The following TACC2 variants were observed in gnomAD, a reference collection of about 807,000 sequenced individuals.
TACC2 encodes transforming acidic coiled-coil containing protein 2.
Under a neutral mutation model 227.3 loss-of-function variants are expected in TACC2, and 137 were observed. The ratio of observed to expected loss-of-function variants is 0.60; its 90% CI spans 0.52 to 0.69. TACC2 has a LOEUF of 0.69. Among genes scored for constraint, TACC2 ranks in the 30% least tolerant of loss-of-function variants. The pLI is 0.00. For missense variants in TACC2, 3,470 were observed against 3,694.4 expected (o/e 0.94, Z 1.57); for synonymous variants, 1,523 against 1,487.5 (o/e 1.02, Z -0.55).
At position 122,083,887 on chromosome 10, in the gene TACC2, G is replaced by A. The variant is rs767997069; in HGVS notation, c.1387G>A (p.Ala463Thr). The change falls in exon 4 of 23, where the codon GCA becomes ACA. Residue 463 changes from alanine to threonine, a missense_variant. Ala to Thr is a moderately conservative substitution (Grantham distance 58). Coordinates refer to ENST00000369005, the MANE Select transcript of TACC2 (RefSeq NM_206862.4). ...AGATGCAGCCAAAGAGGTGGTGGAT[G>A]CAGGGTTGGTGGGACTGGAGAGGCA... is the stretch of plus-strand genomic sequence containing the variant. Reference protein sequence around the residue: ...SADAAKEVVDAGLVGLERQVS... With the variant: ...SADAAKEVVDTGLVGLERQVS... The A allele has an allele frequency of 1.2e-6, 2 of 1,614,208 alleles. No individual in the cohort carries two copies. The highest frequency in any genetic ancestry group is 3.3e-5 in the Admixed American group (2 of 60,026).
chr10:122,029,759 A>G (rs535152952), intron 2 of TACC2, among the ~76,000 whole-genome samples: 1 of 152,204 alleles, frequency 6.6e-6, no homozygotes, highest in South Asian at 2.1e-4. Context: ...TGTGCACAGT[A>G]TGGGCCACTA....
chr10:122,214,418 A>T (rs188702475), intron 9 of TACC2, among the ~76,000 whole-genome samples: 6 of 152,310 alleles, frequency 3.9e-5, no homozygotes, highest in Admixed American at 3.9e-4. Context: ...TTGAATGCCA[A>T]ATTGCTCTGC....
intron 7 of TACC2, among the ~76,000 whole-genome samples, chr10:122,159,597 A>G (rs569111260): frequency 6.6e-6 from 1 of 152,254 alleles, no homozygotes; most frequent in African/African-American, 2.4e-5. Flanking sequence ...GTAACAAGAT[A>G]ACACTCTCAG....
chr10:122,142,619 G>T (rs1220890791), intron 6 of TACC2, among the ~76,000 whole-genome samples: 4 of 152,200 alleles, frequency 2.6e-5, no homozygotes, highest in Non-Finnish European at 4.4e-5. Context: ...CTCCCTGGAG[G>T]TGTTTACCCG....
intron 7 of TACC2, among the ~76,000 whole-genome samples, chr10:122,166,028 C>T (rs568960436): frequency 2.0e-5 from 3 of 152,168 alleles, no homozygotes; most frequent in South Asian, 4.1e-4. Context: ...AATGCATGCA[C>T]GTGAATAATA....
intron 3 of TACC2, among the ~76,000 whole-genome samples, chr10:122,073,708 G>A (rs185388599): frequency 1.4e-4 from 21 of 152,210 alleles, no homozygotes; most frequent in Non-Finnish European, 2.8e-4. Flanking sequence ...GAAATCCTGC[G>A]GTAGAAAAGC....
chr10:121,993,371 T>A (rs1270235746), intron 1 of TACC2, among the ~76,000 whole-genome samples: 4 of 152,302 alleles, frequency 2.6e-5, no homozygotes, highest in Non-Finnish European at 4.4e-5. Flanking sequence ...TTAAATTTTC[T>A]CTGAAAAATT....
At chr10:122,081,345 C>G (rs2079463369) in intron 3 of TACC2, among the ~76,000 whole-genome samples, 1 of 142,988 alleles carries the variant, frequency 7.0e-6, no homozygotes, top group African/African-American at 2.6e-5. Flanking sequence ...TGGTGAGACC[C>G]CATCTCTACT....
intron 2 of TACC2, chr10:122,023,316 C>T (rs1242357227): frequency 6.6e-6 from 1 of 152,162 alleles, no homozygotes; most frequent in African/African-American, 2.4e-5. Flanking sequence ...AGGCATGAGC[C>T]CCCGCGCCCG....
rs1591336648 is a variant in TACC2, at chr10:122,037,234, G to C, written c.34-13204G>C. 2.6e-5 allele frequency among the ~76,000 whole-genome samples: 4 copies of C among 152,378 alleles called. No individual in the cohort carries two copies. In the South Asian group the frequency reaches 8.3e-4, roughly 32 times the overall value. On this transcript the variant is annotated intron_variant, in intron 2 of 22. Coordinates refer to ENST00000369005, the MANE Select transcript of TACC2 (RefSeq NM_206862.4). ...GGTGTGGCTGGAGAAAAGTGGGTGAGGCAAATTATGGTGAGCTGTGCAGCC... is the reference window on the plus strand; with the variant it reads ...GGTGTGGCTGGAGAAAAGTGGGTGACGCAAATTATGGTGAGCTGTGCAGCC...
In TACC2 at chr10:122,101,551, CTTTTTTTTT is replaced by C. The variant is rs34331470; in HGVS notation, c.5573+12978_5573+12986del. On this transcript the variant is annotated intron_variant, in intron 5 of 22. Transcript: ENST00000369005. ...CCTGGGCAACATGGCAAAACCCCAT[CTTTTTTTTT>C]TTTTTTTTTTTTTTTTTGAGACAGA... Among the ~76,000 whole-genome samples the C allele has an allele frequency of 8.5e-5, 4 of 47,180 alleles. No individual in the cohort carries two copies. In the South Asian group the frequency reaches 5.2e-3, roughly 62 times the overall value. 31.0% of individuals were successfully genotyped at this position (47,180 alleles called of 152,430 possible). A position where few individuals can be genotyped will look rare whatever the true frequency, so the allele number is the denominator to read the frequency against.
intron 7 of TACC2, among the ~76,000 whole-genome samples, chr10:122,174,554 GAGA>G (rs2093619828): frequency 2.6e-5 from 4 of 152,138 alleles, no homozygotes; most frequent in African/African-American, 9.7e-5. Flanking sequence ...AGGGAACCAG[GAGA>G]AGAATTGGTG....
chr10:122,112,438 C>G (rs1474532799), intron 5 of TACC2, among the ~76,000 whole-genome samples: 4 of 152,204 alleles, frequency 2.6e-5, no homozygotes, highest in Non-Finnish European at 4.4e-5. Context: ...CCAAATAGAA[C>G]GCACGTCAAG....
In TACC2 at chr10:122,083,477, A is replaced by G; in HGVS notation, c.977A>G (p.Asn326Ser). 1 of 1,613,296 alleles carries G rather than the reference A, an allele frequency of 6.2e-7. No individual in the cohort carries two copies. The highest frequency in any genetic ancestry group is 8.5e-7 in the Non-Finnish European group (1 of 1,180,026). ...NSGAAPEAEV[N>S]AASQESCQQP... ...GGGGCTGCCCCAGAAGCAGAAGTGA[A>G]TGCCGCTTCCCAGGAGAGCTGCCAG... Residue 326 changes from asparagine (N) to serine (S), a missense_variant, in exon 4 of 23, where the codon AAT becomes AGT. Physicochemically the swap from Asn to Ser is conservative, Grantham distance 46. Transcript: ENST00000369005.
At chr10:122,154,094 A>G (rs1174481396) in intron 7 of TACC2, among the ~76,000 whole-genome samples, 1 of 152,206 alleles carries the variant, frequency 6.6e-6, no homozygotes, top group Non-Finnish European at 1.5e-5. Flanking sequence ...AGTTGCCTTC[A>G]GCCCTGGCCT....
chr10:122,009,656 G>A (rs556541642), intron 1 of TACC2, among the ~76,000 whole-genome samples: 1 of 152,226 alleles, frequency 6.6e-6, no homozygotes, highest in South Asian at 2.1e-4. Flanking sequence ...GGCCAGGCAC[G>A]GTGGCTCACA....
At chr10:122,190,980 G>GGC (rs1225159265) in intron 7 of TACC2, among the ~76,000 whole-genome samples, 9 of 152,344 alleles carry the variant, frequency 5.9e-5, no homozygotes, top group African/African-American at 2.2e-4. Flanking sequence ...AAAGGGCACA[G>GGC]ATTTTAGAGA....
At chr10:122,005,176 G>T (rs1954913633) in intron 1 of TACC2, among the ~76,000 whole-genome samples, 1 of 151,238 alleles carries the variant, frequency 6.6e-6, no homozygotes, top group South Asian at 2.1e-4. Context: ...CTGCCTCCCG[G>T]GTTCAAGTGA....
intron 3 of TACC2, among the ~76,000 whole-genome samples, chr10:122,075,838 GC>G (rs1387783477): frequency 2.0e-5 from 3 of 152,098 alleles, no homozygotes; most frequent in African/African-American, 7.2e-5. Context: ...TTGCTCTGTT[GC>G]CCAAGGCTGG....
Sources: gnomAD v4.1 joint callset for allele counts (sites outside exome capture counted in the v4.1 genomes callset) on GRCh38, gnomAD v4.1.1 for gene constraint, MANE v1.5 for transcripts, NCBI Gene and HGNC (gene_info 2026-07-23, HGNC 2026-07-21) for gene names.